TULP4: variants seen among roughly 807,000 people sequenced by gnomAD.
The protein encoded by TULP4 is TUB like protein 4.
Under a neutral mutation model 129.0 loss-of-function variants are expected in TULP4, and 16 were observed. The observed-to-expected ratio is 0.12, with a 90% confidence interval of 0.08 to 0.19. TULP4 has a LOEUF of 0.19. Ranked by LOEUF, TULP4 falls within the 10% of genes least tolerant of loss-of-function variation. The pLI is 1.00. For missense variants in TULP4, 1,842 were observed against 2,059.1 expected (o/e 0.89, Z 2.04); for synonymous variants, 998 against 854.0 (o/e 1.17, Z -2.94).
intron 1 of TULP4, among the ~76,000 whole-genome samples, chr6:158,266,349 C>T (rs1366953520): frequency 2.0e-5 from 3 of 152,188 alleles, no homozygotes; most frequent in East Asian, 1.9e-4. Flanking sequence ...CTTGACGTCC[C>T]GGGTTCCAGC....
intron 2 of TULP4, among the ~76,000 whole-genome samples, chr6:158,415,853 G>A (rs1293619682): frequency 6.6e-6 from 1 of 152,066 alleles, no homozygotes; most frequent in East Asian, 1.9e-4. Flanking sequence ...TTTTGAAGGA[G>A]AACTGACTCA....
intron 2 of TULP4, among the ~76,000 whole-genome samples, chr6:158,422,373 CAAA>C (rs758676732): frequency 2.0e-4 from 31 of 152,148 alleles, no homozygotes; most frequent in Non-Finnish European, 4.3e-4. Flanking sequence ...ATCTTTTCAA[CAAA>C]TGGTGCTGAA....
At chr6:158,316,564 C>G (rs1455976277) in intron 1 of TULP4, among the ~76,000 whole-genome samples, 1 of 152,202 alleles carries the variant, frequency 6.6e-6, no homozygotes, top group Non-Finnish European at 1.5e-5. Context: ...ATTTCCCCCC[C>G]TCAACACACA....
At chr6:158,494,293 T>A (rs1780278105) in intron 10 of TULP4, among the ~76,000 whole-genome samples, 1 of 152,228 alleles carries the variant, frequency 6.6e-6, no homozygotes, top group Non-Finnish European at 1.5e-5. Context: ...CTTAAGGGGC[T>A]GTATTTTGTC....
At chr6:158,270,629 T>C (rs1288125335) in intron 1 of TULP4, among the ~76,000 whole-genome samples, 1 of 152,230 alleles carries the variant, frequency 6.6e-6, no homozygotes, top group African/African-American at 2.4e-5. Context: ...CACTGCACTT[T>C]AGACTATTGC....
chr6:158,399,184 T>G (rs705941), intron 1 of TULP4, among the ~76,000 whole-genome samples: 106,488 of 151,968 alleles, frequency 0.7, 37,648 homozygotes, highest in Middle Eastern at 0.75. Context: ...GAGGCAAGAA[T>G]TGTTGTTTCT....
chr6:158,443,526 G>T (rs148665629), intron 3 of TULP4, among the ~76,000 whole-genome samples: 1 of 152,166 alleles, frequency 6.6e-6, no homozygotes, highest in African/African-American at 2.4e-5. Context: ...GAGCCTGAAA[G>T]ATTTGGAGAA....
Position 158,503,143 on chromosome 6 carries a change from C to G in TULP4, c.3480C>G (p.His1160Gln). ...CTCTGATGCTGAGTCAGGGCCAGCA[C>G]CTGGACGTGTCCCGACTGCCCTTCA... The part of the protein sequence containing the change: ...LSSLMLSQGQ[H>Q]LDVSRLPFIS... Residue 1160 changes from histidine (H) to glutamine (Q), a missense_variant, in exon 13 of 14, where the codon CAC becomes CAG. By Grantham distance (24) the His-to-Gln change is conservative. This residue lies in a region of TULP4 where 1,089 missense variants were observed against 987.1 expected (regional missense o/e 1.10). Transcript: ENST00000367097. This position sits in a 1 kb window ranked among gnomAD's most constrained non-coding sequence, Gnocchi z 4.3. 1 of 1,613,726 alleles carries G rather than the reference C, an allele frequency of 6.2e-7. No homozygotes were observed. The highest frequency in any genetic ancestry group is 1.7e-5 in the Admixed American group (1 of 60,014).
At chr6:158,377,110 G>T (rs1777207431) in intron 1 of TULP4, among the ~76,000 whole-genome samples, 1 of 152,204 alleles carries the variant, frequency 6.6e-6, no homozygotes, top group Admixed American at 6.5e-5. Context: ...TGTAAAAGTA[G>T]TTAAAATTTT....
At chr6:158,276,280 T>A (rs1309224868) in intron 1 of TULP4, among the ~76,000 whole-genome samples, 1 of 149,296 alleles carries the variant, frequency 6.7e-6, no homozygotes, top group Non-Finnish European at 1.5e-5. Flanking sequence ...GGGAGACTTT[T>A]TCTTCTTCCT....
chr6:158,290,990 C>T (rs1562507684), intron 1 of TULP4, among the ~76,000 whole-genome samples: 1 of 152,156 alleles, frequency 6.6e-6, no homozygotes, highest in Non-Finnish European at 1.5e-5. Flanking sequence ...AAGGATCTTT[C>T]TCATAAGGCT....
rs774712791 is a variant in TULP4, at chr6:158,506,718, A to T, written c.*24A>T. 1.3e-6 allele frequency: 2 copies of T among 1,483,688 alleles called. No individual in the cohort carries two copies. Among genetic ancestry groups the T allele is most frequent in the African/African-American group, 2.8e-5 (2 of 72,364 alleles). 91.9% of individuals were successfully genotyped at this position (1,483,688 alleles called of 1,614,324 possible). A position where few individuals can be genotyped will look rare whatever the true frequency, so the allele number is the denominator to read the frequency against. On this transcript the variant is annotated 3_prime_UTR_variant, in exon 14 of 14. Transcript: ENST00000367097. ...GAAGAGACTGGTGTGGGGAGGAGAGAGATGCAGAGAGCCTTTGGAAGAGGT... is the reference window on the plus strand; with the variant it reads ...GAAGAGACTGGTGTGGGGAGGAGAGTGATGCAGAGAGCCTTTGGAAGAGGT...
intron 1 of TULP4, among the ~76,000 whole-genome samples, chr6:158,239,814 G>A (rs1583665053): frequency 1.2e-5 from 1 of 82,238 alleles, no homozygotes; most frequent in South Asian, 5.4e-4. Context: ...CGGGCGGGGG[G>A]CTGACCCCCC....
intron 1 of TULP4, among the ~76,000 whole-genome samples, chr6:158,382,880 T>G (rs967519807): frequency 1.3e-5 from 2 of 152,218 alleles, no homozygotes; most frequent in Non-Finnish European, 2.9e-5. Flanking sequence ...ACATATTAAT[T>G]AGAGCAATGC....
At chr6:158,249,089 C>CA (rs3884262) in intron 1 of TULP4, among the ~76,000 whole-genome samples, 30,107 of 106,218 alleles carry the variant, frequency 0.28, 3,621 homozygotes, top group Middle Eastern at 0.42. Context: ...GACCCTGTCT[C>CA]AAAAAAAAAA....
intron 8 of TULP4, among the ~76,000 whole-genome samples, chr6:158,485,410 C>T (rs576949229): frequency 3.3e-5 from 5 of 152,134 alleles, no homozygotes; most frequent in East Asian, 3.9e-4. Flanking sequence ...TTTGATAAAG[C>T]GCTTATGAAA....
intron 3 of TULP4, among the ~76,000 whole-genome samples, chr6:158,439,907 T>G (rs913543343): frequency 6.6e-6 from 1 of 151,314 alleles, no homozygotes; most frequent in Admixed American, 6.6e-5. Context: ...GAGGCGGGGT[T>G]TCACTGTGTT....
chr6:158,499,267 GT>G (rs1305412067), intron 12 of TULP4, among the ~76,000 whole-genome samples: 1 of 152,126 alleles, frequency 6.6e-6, no homozygotes, highest in African/African-American at 2.4e-5. Flanking sequence ...ACAGAGCCCA[GT>G]TTCTCAAATC....
At position 158,509,917 on chromosome 6, in the gene TULP4, C is replaced by T. The variant is rs1024289127; in HGVS notation, c.*3223C>T. 1 of 152,224 alleles carries T rather than the reference C, an allele frequency of 6.6e-6. No individual in the cohort carries two copies. The highest frequency in any genetic ancestry group is 2.4e-5 in the African/African-American group (1 of 41,464). The allele number at this position is 152,224 out of a possible 1,614,324, so 9.4% of individuals were successfully genotyped here. A position where few individuals can be genotyped will look rare whatever the true frequency, so the allele number is the denominator to read the frequency against. ...TGACTAAATACGACGAAAATTCATACTTTATGCAGGAGATTTCTAAAAATT... is the reference window on the plus strand; with the variant it reads ...TGACTAAATACGACGAAAATTCATATTTTATGCAGGAGATTTCTAAAAATT... On this transcript the variant is annotated 3_prime_UTR_variant, in exon 14 of 14. Transcript: ENST00000367097.
Sources: allele counts gnomAD v4.1 joint callset (sites outside exome capture counted in the v4.1 genomes callset), GRCh38; gene constraint gnomAD v4.1.1; regional missense constraint gnomAD v4.1.1; non-coding constraint Gnocchi (gnomAD v3.1); transcripts MANE v1.5; gene names NCBI Gene and HGNC (gene_info 2026-07-23, HGNC 2026-07-21).